Variants in ZNF277 observed in about 807,000 individuals in gnomAD.
The protein encoded by ZNF277 is nuclear receptor-interacting factor 4.
In ZNF277, 55 loss-of-function variants were observed where a neutral mutation model predicts 60.7. That is an observed-to-expected ratio of 0.91 (90% CI 0.73 to 1.13). The LOEUF (loss-of-function observed/expected upper bound fraction) is 1.13, where lower values mean the gene tolerates loss of function less well. ZNF277 is among the 50% of genes most tolerant of loss of function. The pLI is 0.00. For missense variants in ZNF277, 510 were observed against 523.0 expected (o/e 0.98, Z 0.24); for synonymous variants, 178 against 179.3 (o/e 0.99, Z 0.06).
intron 4 of ZNF277, among the ~76,000 whole-genome samples, chr7:112,302,730 A>G (rs1442433516): frequency 6.6e-6 from 1 of 152,068 alleles, no homozygotes; most frequent in Non-Finnish European, 1.5e-5. Flanking sequence ...TTGTATATAT[A>G]CTGGTTGAGT....
At position 112,332,152 on chromosome 7, in the gene ZNF277, G is replaced by C. The variant is rs192652212; in HGVS notation, c.801+1936G>C. ...ACACATTAAGAGAAGTGTTTCAAAA[G>C]AAAGTAAGGGCTTTAACAACGTACA... On this transcript the variant is annotated intron_variant, in intron 7 of 11. Transcript: ENST00000361822. Among the ~76,000 whole-genome samples the C allele has an allele frequency of 4.9e-3, 745 of 152,284 alleles. 8 individuals carry two copies. The highest frequency in any genetic ancestry group is 0.016 in the African/African-American group (685 of 41,572).
At chr7:112,296,888 TTTTA>T (rs764539582) in intron 4 of ZNF277, among the ~76,000 whole-genome samples, 2,699 of 61,252 alleles carry the variant, frequency 0.044, 41 homozygotes, top group East Asian at 0.063. Flanking sequence ...CTTATTTTTA[TTTTA>T]TTTATTTATT....
intron 5 of ZNF277, among the ~76,000 whole-genome samples, chr7:112,326,416 C>G (rs1793094581): frequency 6.6e-6 from 1 of 152,090 alleles, no homozygotes; most frequent in African/African-American, 2.4e-5. Flanking sequence ...CTACAAGAGG[C>G]TCTCAGCTCT....
intron 1 of ZNF277, among the ~76,000 whole-genome samples, chr7:112,207,064 G>C (rs1188970393): frequency 6.6e-6 from 1 of 152,216 alleles, no homozygotes; most frequent in Non-Finnish European, 1.5e-5. Flanking sequence ...CCTCCGCCGG[G>C]GAAGCTCCCT....
At chr7:112,297,351 T>C (rs1342314348) in intron 4 of ZNF277, among the ~76,000 whole-genome samples, 5 of 152,222 alleles carry the variant, frequency 3.3e-5, no homozygotes, top group Non-Finnish European at 1.5e-5. Context: ...TGACTTGCTG[T>C]TCCTTTAGTG....
In ZNF277 at chr7:112,306,513, C is replaced by G. The variant is rs1171565075; in HGVS notation, c.465+10202C>G. Among the ~76,000 whole-genome samples the G allele has an allele frequency of 1.3e-5, 2 of 152,100 alleles. 1 individual carries two copies. Among genetic ancestry groups the G allele is most frequent in the Non-Finnish European group, 2.9e-5 (2 of 68,016 alleles). ...TATAGGCGTGAGCCACCGCCCCCAG[C>G]TGATGTTCATGTTTTTATCCCTTTT... On this transcript the variant is annotated intron_variant, in intron 4 of 11. Coordinates refer to ENST00000361822, the MANE Select transcript of ZNF277 (RefSeq NM_021994.3).
At chr7:112,306,961 A>G (rs1792611465) in intron 4 of ZNF277, among the ~76,000 whole-genome samples, 3 of 151,580 alleles carry the variant, frequency 2.0e-5, no homozygotes, top group African/African-American at 7.3e-5. Flanking sequence ...GAGAAGAAAA[A>G]CTCAGGAATA....
intron 4 of ZNF277, among the ~76,000 whole-genome samples, chr7:112,296,933 T>A (rs1209779338): frequency 0.14 from 12,851 of 93,540 alleles, 1,713 homozygotes; most frequent in African/African-American, 0.28. Context: ...TTTTTTTTTT[T>A]TTTTTTTTTT....
In ZNF277 at chr7:112,287,239, A is replaced by G; in HGVS notation, c.293+165A>G. 4 of 648,096 alleles carry G rather than the reference A, an allele frequency of 6.2e-6. 1 individual carries two copies. Among genetic ancestry groups the G allele is most frequent in the South Asian group, 5.8e-5 (3 of 51,448 alleles). 40.1% of individuals were successfully genotyped at this position (648,096 alleles called of 1,614,324 possible). A position where few individuals can be genotyped will look rare whatever the true frequency, so the allele number is the denominator to read the frequency against. On this transcript the variant is annotated intron_variant, in intron 2 of 11. Transcript: ENST00000361822. The stretch of plus-strand genomic sequence containing the variant: ...AAAATTTAAAAATTATCTAGGATCA[A>G]TGGCATGCACCTGTAGTTCCAGCTA...
At chr7:112,318,944 A>G (rs990927957) in intron 5 of ZNF277, among the ~76,000 whole-genome samples, 7 of 152,112 alleles carry the variant, frequency 4.6e-5, no homozygotes, top group Admixed American at 4.6e-4. Flanking sequence ...TTATGATTAC[A>G]GTTTTACTAT....
At chr7:112,227,643 A>G (rs549703373) in intron 1 of ZNF277, among the ~76,000 whole-genome samples, 1 of 152,310 alleles carries the variant, frequency 6.6e-6, no homozygotes, top group South Asian at 2.1e-4. Flanking sequence ...GGCTAAACTT[A>G]ATTTAACAGT....
intron 7 of ZNF277, 36 bp from the exon 8 acceptor site, chr7:112,336,068 C>T: frequency 2.6e-6 from 4 of 1,563,934 alleles, no homozygotes; most frequent in Non-Finnish European, 3.5e-6. Flanking sequence ...TTCTCTTTCC[C>T]CCAATGTCTC....
chr7:112,326,973 G>A (rs748266166), intron 5 of ZNF277, among the ~76,000 whole-genome samples: 9 of 152,170 alleles, frequency 5.9e-5, no homozygotes, highest in Non-Finnish European at 1.3e-4. Context: ...TAATCAAGAA[G>A]TTGGTCATTG....
intron 1 of ZNF277, among the ~76,000 whole-genome samples, chr7:112,219,280 A>C (rs1004452457): frequency 6.6e-6 from 1 of 152,170 alleles, no homozygotes; most frequent in African/African-American, 2.4e-5. Flanking sequence ...GTCGTGTACA[A>C]AAAATCTTTG....
At chr7:112,307,570 A>T (rs1281176337) in intron 4 of ZNF277, among the ~76,000 whole-genome samples, 1 of 151,818 alleles carries the variant, frequency 6.6e-6, no homozygotes, top group Non-Finnish European at 1.5e-5. Flanking sequence ...GTGCACCAGC[A>T]TGCCTGGCTA....
Position 112,339,834 on chromosome 7 carries a change from CT to C in ZNF277, c.967-3del. The C allele has an allele frequency of 1.2e-6, 2 of 1,611,276 alleles. No individual in the cohort carries two copies. ...CATATGCTTACAGATGTATTCATTC[CT>C]TTTTTAGGATGCACACGAATTTGAT... On this transcript the variant is annotated splice_polypyrimidine_tract_variant and splice_region_variant and intron_variant, in intron 9 of 11. Transcript: ENST00000361822.
At chr7:112,330,305 T>C (rs1486581325) in intron 7 of ZNF277, 89 bp downstream of exon 7, 1 of 1,372,350 alleles carries the variant, frequency 7.3e-7, no homozygotes, top group Admixed American at 1.8e-5. Context: ...AATAAGCAAT[T>C]ATTGCAAAAG....
intron 1 of ZNF277, among the ~76,000 whole-genome samples, chr7:112,270,399 G>A (rs925929623): frequency 6.6e-6 from 1 of 152,074 alleles, no homozygotes; most frequent in Non-Finnish European, 1.5e-5. Flanking sequence ...TTTGCTATAA[G>A]GAAGGACTTA....
intron 5 of ZNF277, among the ~76,000 whole-genome samples, chr7:112,322,323 A>G (rs1430846963): frequency 6.6e-6 from 1 of 152,040 alleles, no homozygotes; most frequent in Non-Finnish European, 1.5e-5. Flanking sequence ...ATATGTTGGT[A>G]AACTTGATCT....
Sources: allele counts gnomAD v4.1 joint callset (sites outside exome capture counted in the v4.1 genomes callset), GRCh38; gene constraint gnomAD v4.1.1; transcripts MANE v1.5; gene names NCBI Gene and HGNC (gene_info 2026-07-23, HGNC 2026-07-21).